The following SND1 variants were observed in gnomAD, a reference collection of about 807,000 sequenced individuals.
SND1 encodes the protein staphylococcal nuclease domain-containing protein 1.
A neutral mutation model predicts 121.7 loss-of-function variants in SND1; 38 were observed. That is an observed-to-expected ratio of 0.31 (90% CI 0.24 to 0.41). SND1 has a LOEUF of 0.41. SND1 is among the 10% of genes least tolerant of loss of function. SND1 has a pLI of 1.00. For missense variants in SND1, 868 were observed against 1,184.6 expected (o/e 0.73, Z 3.92); for synonymous variants, 401 against 447.4 (o/e 0.90, Z 1.31).
chr7:127,857,986 T>C lies in SND1; in HGVS notation c.1343+13562T>C, dbSNP rs1406951422. 4 of 1,448,220 alleles carry C rather than the reference T, an allele frequency of 2.8e-6. No homozygotes were observed. The African/African-American group carries it at 5.6e-5, about 20-fold the overall frequency. The allele number at this position is 1,448,220 out of a possible 1,614,324, so 89.7% of individuals were successfully genotyped here. A position where few individuals can be genotyped will look rare whatever the true frequency, so the allele number is the denominator to read the frequency against. On this transcript the variant is annotated intron_variant, in intron 12 of 23. Transcript: ENST00000354725. ...CATCTGGTCGCTGGTGAAGGGCCCA[T>C]GCAGCTCGGCATCCCCCGGGTTCTC...
intron 12 of SND1, among the ~76,000 whole-genome samples, chr7:127,862,082 A>G (rs1028050879): frequency 7.2e-5 from 11 of 152,190 alleles, no homozygotes; most frequent in Non-Finnish European, 1.6e-4. Flanking sequence ...ACTACCTAAG[A>G]GGTCTTTTTC....
At chr7:127,880,336 GA>G (rs572931190) in intron 12 of SND1, among the ~76,000 whole-genome samples, 1 of 152,064 alleles carries the variant, frequency 6.6e-6, no homozygotes, top group Admixed American at 6.6e-5. Flanking sequence ...GTATATATAG[GA>G]AAAAATACAG....
At chr7:127,995,505 A>C (rs1802627108) in intron 16 of SND1, among the ~76,000 whole-genome samples, 1 of 152,260 alleles carries the variant, frequency 6.6e-6, no homozygotes. Context: ...TAACTGGCTT[A>C]AAAGTGTAAA....
chr7:127,985,346 T>C (rs3779527), intron 15 of SND1, among the ~76,000 whole-genome samples: 105,468 of 152,184 alleles, frequency 0.69, 37,933 homozygotes, highest in African/African-American at 0.88. Context: ...CAACCTCCAC[T>C]TCTGGAATTC....
chr7:128,074,958 T>C (rs1793482502), intron 17 of SND1, among the ~76,000 whole-genome samples: 5 of 152,116 alleles, frequency 3.3e-5, no homozygotes, highest in South Asian at 4.1e-4. Context: ...GCTCAGGTGG[T>C]CCTGAAGCAG....
At chr7:127,719,616 T>TG (rs1796452639) in intron 9 of SND1, among the ~76,000 whole-genome samples, 1 of 152,226 alleles carries the variant, frequency 6.6e-6, no homozygotes, top group Admixed American at 6.5e-5. Context: ...AGAATGGTTA[T>TG]GGTTATTTGA....
Position 127,983,902 on chromosome 7 carries a change from G to A in SND1, c.1670-7045G>A, listed in dbSNP as rs572225537. 1.3e-3 allele frequency among the ~76,000 whole-genome samples: 202 copies of A among 152,122 alleles called. 5 individuals are homozygous for A. The South Asian group carries it at 0.038, about 28-fold the overall frequency. ...CCACACTAAGTTTTTCCGATATGGCGTCCAGATTTTATTTCCCCTAATAAT... is the reference window on the plus strand; with the variant it reads ...CCACACTAAGTTTTTCCGATATGGCATCCAGATTTTATTTCCCCTAATAAT... On this transcript the variant is annotated intron_variant, in intron 15 of 23. Transcript: ENST00000354725.
intron 16 of SND1, among the ~76,000 whole-genome samples, chr7:128,062,291 A>G (rs1584768187): frequency 6.6e-6 from 1 of 152,324 alleles, no homozygotes; most frequent in African/African-American, 2.4e-5. Flanking sequence ...ACATGGAGGC[A>G]GGGTAGATTT....
intron 5 of SND1, among the ~76,000 whole-genome samples, chr7:127,702,140 T>A (rs1796115821): frequency 1.3e-5 from 2 of 152,188 alleles, no homozygotes; most frequent in African/African-American, 2.4e-5. Flanking sequence ...GTTGGGTACC[T>A]GGTACTCAGG....
chr7:128,092,271 C>T lies in SND1; in HGVS notation c.*213C>T. On this transcript the variant is annotated 3_prime_UTR_variant, in exon 24 of 24. Transcript: ENST00000354725. This position sits in a 1 kb window ranked among gnomAD's most constrained non-coding sequence, Gnocchi z 4.9. ...GACCCTTGTCCTCTGGGATGATGGG[C>T]ACTGCTATCCACAGTCTCTGCCAGT... is the stretch of plus-strand genomic sequence containing the variant. 1.8e-6 allele frequency: 1 copy of T among 565,722 alleles called. No homozygotes were observed. Among genetic ancestry groups the T allele is most frequent in the Non-Finnish European group, 3.1e-6 (1 of 317,698 alleles). 35.0% of individuals were successfully genotyped at this position (565,722 alleles called of 1,614,324 possible).
rs187172658 is a variant in SND1 at position 127,680,859 on chromosome 7, A to G, written c.79-5754A>G. Among the ~76,000 whole-genome samples the G allele has an allele frequency of 1.9e-4, 29 of 151,994 alleles. 1 individual carries two copies. Among genetic ancestry groups the G allele is most frequent in the Middle Eastern group, 3.4e-3 (1 of 294 alleles). ...TGGGGAATTGATAAGTGTTCATGGA[A>G]TCTTCACAATTTATGTTTAGAGATT... On this transcript the variant is annotated intron_variant, in intron 1 of 23. Transcript: ENST00000354725.
At chr7:127,747,170 C>T (rs886496827) in intron 10 of SND1, among the ~76,000 whole-genome samples, 4 of 152,136 alleles carry the variant, frequency 2.6e-5, no homozygotes, top group Admixed American at 1.3e-4. Context: ...GGCTACTTTC[C>T]AGGTCGACCA....
intron 11 of SND1, among the ~76,000 whole-genome samples, chr7:127,837,810 A>G (rs1798893663): frequency 6.6e-6 from 1 of 152,276 alleles, no homozygotes; most frequent in Non-Finnish European, 1.5e-5. Context: ...AGCACTTTGT[A>G]TGGAAGATCC....
intron 12 of SND1, among the ~76,000 whole-genome samples, chr7:127,886,341 C>T (rs911107079): frequency 4.5e-4 from 68 of 151,468 alleles, no homozygotes; most frequent in African/African-American, 1.4e-3. Flanking sequence ...TGGGTTTTGA[C>T]GAATAGAGCC....
intron 16 of SND1, among the ~76,000 whole-genome samples, chr7:128,050,944 G>C: frequency 6.6e-6 from 1 of 152,216 alleles, no homozygotes; most frequent in East Asian, 1.9e-4. Context: ...TCTCCATTTT[G>C]ACCGTAGACT....
At chr7:128,077,035 T>C (rs568145846) in intron 17 of SND1, among the ~76,000 whole-genome samples, 4 of 152,172 alleles carry the variant, frequency 2.6e-5, no homozygotes, top group African/African-American at 9.7e-5. Context: ...AGATGGCAGA[T>C]GCCTGTCCCC....
chr7:127,861,796 A>T (rs868865515), intron 12 of SND1, among the ~76,000 whole-genome samples: 1 of 152,170 alleles, frequency 6.6e-6, no homozygotes, highest in African/African-American at 2.4e-5. Flanking sequence ...TTAGTGTACC[A>T]TTCCATGCTA....
chr7:127,675,819 C>A (rs1795605392), intron 1 of SND1, among the ~76,000 whole-genome samples: 1 of 152,178 alleles, frequency 6.6e-6, no homozygotes, highest in African/African-American at 2.4e-5. Context: ...TGACACTTCA[C>A]ATTTGTCTGC....
intron 10 of SND1, among the ~76,000 whole-genome samples, chr7:127,757,951 T>C (rs184736277): frequency 1.3e-5 from 2 of 152,328 alleles, no homozygotes; most frequent in African/African-American, 2.4e-5. Flanking sequence ...TTGAAAAGCT[T>C]CCCTGCTGTT....
Sources: gnomAD v4.1 joint callset for allele counts (sites outside exome capture counted in the v4.1 genomes callset) on GRCh38, gnomAD v4.1.1 for gene constraint, Gnocchi (gnomAD v3.1) non-coding constraint, MANE v1.5 for transcripts, NCBI Gene and HGNC (gene_info 2026-07-23, HGNC 2026-07-21) for gene names.